Variants in SCFD2 observed in about 807,000 individuals in gnomAD.
SCFD2 encodes the protein sec1 family domain-containing protein 2.
Under a neutral mutation model 58.9 loss-of-function variants are expected in SCFD2, and 54 were observed. The observed-to-expected ratio is 0.92, with a 90% CI of 0.74 to 1.15. The LOEUF is 1.15. SCFD2 is among the 50% of genes most tolerant of loss of function. The pLI, the probability that SCFD2 is intolerant of heterozygous loss-of-function variation, is 0.00. For synonymous variants in SCFD2, 321 were observed against 335.9 expected (o/e 0.96, Z 0.49); for missense variants, 805 against 836.6 (o/e 0.96, Z 0.47).
intron 2 of SCFD2, among the ~76,000 whole-genome samples, chr4:53,349,964 C>T (rs1734165804): frequency 6.6e-6 from 1 of 152,134 alleles, no homozygotes; most frequent in South Asian, 2.1e-4. Flanking sequence ...GTATGCGTTA[C>T]CTTAGGCATG....
chr4:53,333,998 A>C (rs1733590182), intron 2 of SCFD2, among the ~76,000 whole-genome samples: 1 of 151,448 alleles, frequency 6.6e-6, no homozygotes, highest in Non-Finnish European at 1.5e-5. Flanking sequence ...ACACATGAAA[A>C]AATGCTCATT....
At chr4:53,334,960 G>C (rs1013397150) in intron 2 of SCFD2, among the ~76,000 whole-genome samples, 1 of 152,046 alleles carries the variant, frequency 6.6e-6, no homozygotes, top group Non-Finnish European at 1.5e-5. Flanking sequence ...ACTTTGGGAG[G>C]CCAAGGCAGG....
intron 5 of SCFD2, among the ~76,000 whole-genome samples, chr4:52,972,108 T>C (rs1030701974): frequency 6.6e-5 from 10 of 152,086 alleles, no homozygotes; most frequent in African/African-American, 2.2e-4. Flanking sequence ...ACTGCATCAA[T>C]TAACAAGCAA....
At chr4:53,121,656 G>A (rs1207489972) in intron 5 of SCFD2, among the ~76,000 whole-genome samples, 4 of 152,148 alleles carry the variant, frequency 2.6e-5, no homozygotes, top group African/African-American at 7.2e-5. Context: ...AACTGAATGC[G>A]GTGCTTACGT....
chr4:53,186,812 T>C (rs879708984), intron 4 of SCFD2, among the ~76,000 whole-genome samples: 7 of 151,992 alleles, frequency 4.6e-5, no homozygotes, highest in Non-Finnish European at 1.0e-4. Flanking sequence ...TGGTTTTGAT[T>C]CCCAATTTGC....
intron 4 of SCFD2, among the ~76,000 whole-genome samples, chr4:53,255,197 T>TTTATTTA (rs1553892849): frequency 7.1e-6 from 1 of 140,620 alleles, no homozygotes; most frequent in Non-Finnish European, 1.5e-5. Context: ...TTTTTTTCTT[T>TTTATTTA]TTTATTTATT....
chr4:53,330,252 A>G (rs1733393179), intron 2 of SCFD2, among the ~76,000 whole-genome samples: 1 of 152,052 alleles, frequency 6.6e-6, no homozygotes, highest in Non-Finnish European at 1.5e-5. Context: ...GAACGCCACA[A>G]AGATACTCCT....
At chr4:53,222,277 G>A (rs529791956) in intron 4 of SCFD2, among the ~76,000 whole-genome samples, 1 of 152,274 alleles carries the variant, frequency 6.6e-6, no homozygotes, top group South Asian at 2.1e-4. Flanking sequence ...TTTGAAACAC[G>A]GAATCCTGGT....
chr4:52,953,504 C>T (rs1052029294), intron 5 of SCFD2, among the ~76,000 whole-genome samples: 5 of 152,180 alleles, frequency 3.3e-5, no homozygotes, highest in Admixed American at 1.3e-4. Context: ...GAGGTTAGAT[C>T]GCTCTCTAAA....
intron 5 of SCFD2, among the ~76,000 whole-genome samples, chr4:53,129,106 G>C (rs1267449759): frequency 6.6e-6 from 1 of 152,196 alleles, no homozygotes; most frequent in Non-Finnish European, 1.5e-5. Flanking sequence ...GTTGGGAAAT[G>C]TAAGTTGCTA....
chr4:52,905,764 A>C (rs930546988), intron 7 of SCFD2, among the ~76,000 whole-genome samples: 1 of 152,192 alleles, frequency 6.6e-6, no homozygotes, highest in Non-Finnish European at 1.5e-5. Context: ...AGATGTAGAA[A>C]ACACTCTGCA....
At chr4:53,294,695 T>C (rs1272822337) in intron 3 of SCFD2, among the ~76,000 whole-genome samples, 1 of 152,236 alleles carries the variant, frequency 6.6e-6, no homozygotes, top group African/African-American at 2.4e-5. Context: ...TTTGGTGTTT[T>C]AGACATGAAG....
At chr4:53,324,895 T>C (rs1733138916) in intron 2 of SCFD2, among the ~76,000 whole-genome samples, 2 of 152,194 alleles carry the variant, frequency 1.3e-5, no homozygotes, top group African/African-American at 4.8e-5. Context: ...CAAGAAAATA[T>C]TGTTAATACA....
chr4:53,103,252 C>A (rs1164156666), intron 5 of SCFD2, among the ~76,000 whole-genome samples: 2 of 152,006 alleles, frequency 1.3e-5, no homozygotes, highest in Non-Finnish European at 2.9e-5. Flanking sequence ...GGATATAACA[C>A]CCCAAGAAGG....
intron 5 of SCFD2, among the ~76,000 whole-genome samples, chr4:53,122,943 C>T (rs558393475): frequency 1.8e-4 from 27 of 151,872 alleles, no homozygotes; most frequent in South Asian, 4.2e-4. Context: ...ACATAATAAA[C>T]TTATGGCTTA....
At chr4:53,358,538 G>C (rs976657255) in intron 1 of SCFD2, among the ~76,000 whole-genome samples, 1 of 148,414 alleles carries the variant, frequency 6.7e-6, no homozygotes, top group African/African-American at 2.5e-5. Context: ...GGGCAACACA[G>C]TGAGACGCTG....
intron 5 of SCFD2, among the ~76,000 whole-genome samples, chr4:53,115,991 T>C (rs1725307307): frequency 6.6e-6 from 1 of 152,138 alleles, no homozygotes; most frequent in African/African-American, 2.4e-5. Flanking sequence ...CCCATGAGCA[T>C]TGGATGGGCT....
intron 6 of SCFD2, among the ~76,000 whole-genome samples, chr4:52,915,097 G>A (rs1169049735): frequency 6.6e-6 from 1 of 152,204 alleles, no homozygotes; most frequent in Non-Finnish European, 1.5e-5. Flanking sequence ...AAAGCAGTGA[G>A]TATAGCAGCA....
At chr4:52,991,042 C>T (rs917726612) in intron 5 of SCFD2, among the ~76,000 whole-genome samples, 3 of 152,026 alleles carry the variant, frequency 2.0e-5, no homozygotes, top group African/African-American at 7.3e-5. Context: ...GAGAGTAGGA[C>T]AGGGAGAGGG....
Sources: allele counts gnomAD v4.1 joint callset (sites outside exome capture counted in the v4.1 genomes callset), GRCh38; gene constraint gnomAD v4.1.1; transcripts MANE v1.5; gene names NCBI Gene and HGNC (gene_info 2026-07-23, HGNC 2026-07-21).